The following ELP1 variants were observed in gnomAD, a reference collection of about 807,000 sequenced individuals.
ELP1 encodes the protein elongator complex protein 1.
In ELP1, 131 loss-of-function variants were observed where a neutral mutation model predicts 183.2. That is an observed-to-expected ratio of 0.72 (90% CI 0.62 to 0.83). The LOEUF is 0.83. Ranked by LOEUF, ELP1 falls within the 40% of genes least tolerant of loss-of-function variation. The pLI is 0.00. For missense variants in ELP1, 1,550 were observed against 1,594.9 expected, an observed-to-expected ratio of 0.97 and a Z score of 0.48; for synonymous variants, 555 against 569.0, an observed-to-expected ratio of 0.98 and a Z score of 0.35.
intron 29 of ELP1, among the ~76,000 whole-genome samples, chr9:108,885,351 G>A (rs375091794): frequency 7.2e-5 from 11 of 151,918 alleles, no homozygotes; most frequent in African/African-American, 1.9e-4. Flanking sequence ...TAGACCCTAC[G>A]GACAGTAAAA....
rs577846411 is a variant in ELP1, at chr9:108,926,731, T to C, written c.386-128A>G. 14 of 719,824 alleles carry C rather than the reference T, an allele frequency of 1.9e-5. No individual in the cohort carries two copies. The East Asian group carries it at 3.5e-4, about 18-fold the overall frequency. 44.6% of individuals were successfully genotyped at this position (719,824 alleles called of 1,614,324 possible). On this transcript the variant is annotated intron_variant, in intron 4 of 36. Coordinates refer to ENST00000374647, the MANE Select transcript of ELP1 (RefSeq NM_003640.5). ...CAGAGCAGACAGAATTCATCCAAAA[T>C]GCTTTGACTTAAAAAAACAACAATG...
intron 26 of ELP1, 79 bp from the exon 27 acceptor site, chr9:108,893,162 A>G: frequency 1.0e-6 from 1 of 956,050 alleles, no homozygotes; most frequent in Non-Finnish European, 1.7e-6. Context: ...AATGGTCACC[A>G]AACAAAATAA....
rs1001628546 is a variant in ELP1, at chr9:108,901,759, T to C, written c.1855-78A>G. ...ACCTACCTTTTCTATCACATAGTTC[T>C]ACCACCCTATGATTTCACACCTAAG... On this transcript the variant is annotated intron_variant, in intron 16 of 36. Transcript: ENST00000374647. 40 of 1,329,370 alleles carry C rather than the reference T, an allele frequency of 3.0e-5. 1 individual carries two copies. Among genetic ancestry groups the C allele is most frequent in the Admixed American group, 1.5e-4 (9 of 58,142 alleles). 82.3% of individuals were successfully genotyped at this position (1,329,370 alleles called of 1,614,324 possible). A position where few individuals can be genotyped will look rare whatever the true frequency, so the allele number is the denominator to read the frequency against.
intron 6 of ELP1, among the ~76,000 whole-genome samples, chr9:108,920,105 C>T (rs565208243): frequency 1.3e-5 from 2 of 152,084 alleles, no homozygotes; most frequent in African/African-American, 2.4e-5. Flanking sequence ...CTGAAATAGG[C>T]ATTATATGAA....
chr9:108,872,068 T>C (rs1827477608), intron 36 of ELP1, among the ~76,000 whole-genome samples: 1 of 152,246 alleles, frequency 6.6e-6, no homozygotes, highest in Non-Finnish European at 1.5e-5. Context: ...GGAGCAACAC[T>C]TGTGGTACTT....
At chr9:108,871,302 A>C (rs1460593567) in intron 36 of ELP1, among the ~76,000 whole-genome samples, 1 of 152,136 alleles carries the variant, frequency 6.6e-6, no homozygotes, top group Non-Finnish European at 1.5e-5. Context: ...TTTGGGGGCA[A>C]GTAGATCACT....
chr9:108,923,164 G>A (rs1341893366), intron 5 of ELP1, among the ~76,000 whole-genome samples: 3 of 152,196 alleles, frequency 2.0e-5, no homozygotes, highest in Non-Finnish European at 4.4e-5. Context: ...GAGTCCAGGA[G>A]TTCGAGACCA....
At chr9:108,907,590 T>G (rs1587903911) in intron 13 of ELP1, among the ~76,000 whole-genome samples, 1 of 152,146 alleles carries the variant, frequency 6.6e-6, no homozygotes, top group Non-Finnish European at 1.5e-5. Context: ...GGAGGCAGAG[T>G]AGTTTAGTAA....
chr9:108,898,800 C>T (rs1175799052), intron 20 of ELP1, 51 bp from the exon 21 acceptor site: 1 of 1,228,308 alleles, frequency 8.1e-7, no homozygotes, highest in Admixed American at 1.7e-5. Flanking sequence ...AAACTGAGCT[C>T]CATGGGCCCA....
At position 108,880,153 on chromosome 9, in the gene ELP1, T is replaced by A; in HGVS notation, c.3359A>T (p.Tyr1120Phe). 1 of 1,612,606 alleles carries A rather than the reference T, an allele frequency of 6.2e-7. No individual in the cohort carries two copies. The highest frequency in any genetic ancestry group is 8.5e-7 in the Non-Finnish European group (1 of 1,178,570). Residue 1120 changes from tyrosine (Y) to phenylalanine (F), a missense_variant, in exon 32 of 37, where the codon TAT (tyrosine) becomes TTT (phenylalanine). Coordinates refer to ENST00000374647, the MANE Select transcript of ELP1 (RefSeq NM_003640.5). ...TGTCTGAGAGTCCAGAAATGCCATA[T>A]AATTTTTCTGGGCTGGAGATGCAGA... Reference protein sequence around the residue: ...KPSILEAQKNYMAFLDSQTAT... With the variant: ...KPSILEAQKNFMAFLDSQTAT...
intron 3 of ELP1, among the ~76,000 whole-genome samples, chr9:108,928,240 G>C (rs1829881496): frequency 6.6e-6 from 1 of 152,186 alleles, no homozygotes; most frequent in Non-Finnish European, 1.5e-5. Context: ...TTCAGTAATG[G>C]ATATCAAGAG....
intron 22 of ELP1, 137 bp downstream of exon 22, chr9:108,898,365 T>C: frequency 3.1e-6 from 2 of 639,460 alleles, no homozygotes; most frequent in Non-Finnish European, 5.5e-6. Context: ...AAAAACCAAC[T>C]GGCATCTAAG....
In ELP1 at chr9:108,878,023, A is replaced by G. The variant is rs558588647; in HGVS notation, c.3827T>C (p.Leu1276Pro). Residue 1276 changes from leucine (L) to proline (P), a missense_variant, in exon 35 of 37, where the codon CTT becomes CCT. By Grantham distance (98) the Leu-to-Pro change is moderately conservative. Coordinates refer to ENST00000374647, the MANE Select transcript of ELP1 (RefSeq NM_003640.5). ...GGTAGCTGAATTCTGCTGGTAAGTA[A>G]GAGTCCAAATTTCTGGAAGTGACCT... ...MERSLPEIWTLTYQQNSATPV... is the reference protein window; with the variant it reads ...MERSLPEIWTPTYQQNSATPV... 1.2e-5 allele frequency: 20 copies of G among 1,614,220 alleles called. No individual in the cohort carries two copies. The highest frequency in any genetic ancestry group is 1.2e-4 in the South Asian group (11 of 91,084).
intron 3 of ELP1, among the ~76,000 whole-genome samples, 185 bp downstream of exon 3, chr9:108,929,584 T>A (rs1387764746): frequency 6.6e-6 from 1 of 152,250 alleles, no homozygotes; most frequent in Non-Finnish European, 1.5e-5. Context: ...AAACTCAGTT[T>A]TAGAAGAATC....
chr9:108,877,941 C>G, intron 35 of ELP1, 54 bp downstream of exon 35: 1 of 1,589,780 alleles, frequency 6.3e-7, no homozygotes, highest in Non-Finnish European at 8.6e-7. Context: ...TGTGTGAATA[C>G]AATAACCCAT....
intron 29 of ELP1, among the ~76,000 whole-genome samples, chr9:108,882,542 C>T (rs80231772): frequency 6.6e-6 from 1 of 151,594 alleles, no homozygotes; most frequent in African/African-American, 2.4e-5. Context: ...ACAAGACCAC[C>T]CTTTGAAAAA....
chr9:108,883,170 C>T (rs1481819594), intron 29 of ELP1, among the ~76,000 whole-genome samples: 1 of 152,038 alleles, frequency 6.6e-6, no homozygotes, highest in African/African-American at 2.4e-5. Context: ...TTTATAGTTT[C>T]GTTCTGGTTT....
intron 36 of ELP1, among the ~76,000 whole-genome samples, chr9:108,874,657 TTAAAAATTACACA>T (rs1281357185): frequency 2.6e-5 from 4 of 152,202 alleles, no homozygotes; most frequent in Non-Finnish European, 5.9e-5. Context: ...ATAAATATTT[TTAAAAATTACACA>T]TACAATGGTC....
chr9:108,893,622 G>A (rs564070833), intron 26 of ELP1, among the ~76,000 whole-genome samples: 3 of 152,312 alleles, frequency 2.0e-5, no homozygotes, highest in African/African-American at 7.2e-5. Flanking sequence ...TCCCTGACAT[G>A]TCTGCAAACA....
Sources: gnomAD v4.1 joint callset for allele counts (sites outside exome capture counted in the v4.1 genomes callset) on GRCh38, gnomAD v4.1.1 for gene constraint, MANE v1.5 for transcripts, NCBI Gene and HGNC (gene_info 2026-07-23, HGNC 2026-07-21) for gene names.